Variants in TRPM3 observed in about 807,000 individuals in gnomAD.
TRPM3 encodes transient receptor potential cation channel subfamily M member 3, also known as long transient receptor potential channel 3.
TRPM3 carries 77 observed loss-of-function variants against 181.2 expected under a neutral mutation model. The observed-to-expected ratio is 0.42, with a 90% CI of 0.35 to 0.51. The LOEUF is 0.51. Ranked by LOEUF, TRPM3 falls within the 20% of genes least tolerant of loss-of-function variation. The pLI is 0.01. For synonymous variants in TRPM3, 745 were observed against 796.4 expected (o/e 0.94, Z 1.09); for missense variants, 1,759 against 2,196.7 (o/e 0.80, Z 3.98).
intron 1 of TRPM3, among the ~76,000 whole-genome samples, chr9:70,957,419 A>C (rs1462744387): frequency 2.6e-5 from 4 of 152,158 alleles, no homozygotes; most frequent in Non-Finnish European, 5.9e-5. Context: ...TCCGGGTACT[A>C]TCACTGCTGA....
At chr9:71,233,784 G>A (rs186018113) in intron 1 of TRPM3, among the ~76,000 whole-genome samples, 1 of 152,340 alleles carries the variant, frequency 6.6e-6, no homozygotes, top group East Asian at 1.9e-4. Context: ...ATTCAGTTAA[G>A]TCTTTAAAAT....
chr9:70,620,402 A>C (rs754831174), intron 15 of TRPM3, 37 bp from the exon 16 acceptor site: 1 of 1,572,236 alleles, frequency 6.4e-7, no homozygotes, highest in Non-Finnish European at 8.7e-7. Context: ...CTGAGTTAGA[A>C]ATGAATTGGT....
intron 1 of TRPM3, among the ~76,000 whole-genome samples, chr9:71,346,947 C>T (rs1289481883): frequency 6.6e-6 from 1 of 152,162 alleles, no homozygotes; most frequent in African/African-American, 2.4e-5. Flanking sequence ...AAATGTGGCA[C>T]AAACTATGAG....
At chr9:71,089,792 T>C (rs1450939044) in intron 1 of TRPM3, among the ~76,000 whole-genome samples, 1 of 152,048 alleles carries the variant, frequency 6.6e-6, no homozygotes, top group Non-Finnish European at 1.5e-5. Context: ...AGCATCCTAG[T>C]GTTTGCATCT....
intron 19 of TRPM3, among the ~76,000 whole-genome samples, chr9:70,603,878 G>A (rs572034555): frequency 6.6e-6 from 1 of 152,286 alleles, no homozygotes; most frequent in Admixed American, 6.5e-5. Flanking sequence ...ACGAATGCCA[G>A]GCAGAATAAG....
intron 1 of TRPM3, among the ~76,000 whole-genome samples, chr9:71,408,396 G>C (rs1340201846): frequency 6.6e-6 from 1 of 152,144 alleles, no homozygotes; most frequent in African/African-American, 2.4e-5. Context: ...AGAGAGCATA[G>C]AGAAGACCTT....
intron 1 of TRPM3, among the ~76,000 whole-genome samples, chr9:70,903,402 T>C (rs2096414244): frequency 1.3e-5 from 2 of 152,176 alleles, no homozygotes; most frequent in Non-Finnish European, 2.9e-5. Flanking sequence ...TTGGCGCCCC[T>C]ACATGAACAT....
At chr9:70,737,611 G>A (rs903948528) in intron 8 of TRPM3, among the ~76,000 whole-genome samples, 8 of 128,930 alleles carry the variant, frequency 6.2e-5, no homozygotes, top group Admixed American at 1.6e-4. Context: ...CCAAGTATTT[G>A]TTATCTTCAA....
intron 8 of TRPM3, among the ~76,000 whole-genome samples, chr9:70,687,153 C>T (rs1343821769): frequency 2.6e-5 from 4 of 152,108 alleles, no homozygotes; most frequent in Non-Finnish European, 4.4e-5. Flanking sequence ...AATTTCTTGT[C>T]TCATAATGTG....
intron 1 of TRPM3, among the ~76,000 whole-genome samples, chr9:71,339,371 A>G (rs2132593383): frequency 6.6e-6 from 1 of 152,258 alleles, no homozygotes; most frequent in East Asian, 1.9e-4. Flanking sequence ...AATAACTAGA[A>G]AACAGTCAAA....
At chr9:70,693,651 G>C (rs10123287) in intron 8 of TRPM3, among the ~76,000 whole-genome samples, 55,050 of 151,914 alleles carry the variant, frequency 0.36, 10,228 homozygotes, top group East Asian at 0.46. Flanking sequence ...TATAGACAGA[G>C]AAGTTTTCTT....
rs183744412 is a variant in TRPM3, at chr9:71,396,603, C to T, written c.183+50050G>A. Among the ~76,000 whole-genome samples, 426 of 151,280 alleles carry T rather than the reference C, an allele frequency of 2.8e-3. 1 individual carries two copies. The highest frequency in any genetic ancestry group is 4.0e-3 in the Non-Finnish European group (269 of 67,908). ...CACAGGAGTTTCCTCAGGAGAAAGA[C>T]GATTCTGAGAACCAAATCTAAAAAG... On this transcript the variant is annotated intron_variant, in intron 1 of 24. Coordinates refer to the TRPM3 transcript ENST00000357533.
At chr9:71,393,496 A>G (rs2093113987) in intron 1 of TRPM3, among the ~76,000 whole-genome samples, 4 of 152,162 alleles carry the variant, frequency 2.6e-5, no homozygotes, top group South Asian at 2.1e-4. Flanking sequence ...AGGATGGAAT[A>G]CCAAACAGAA....
intron 1 of TRPM3, among the ~76,000 whole-genome samples, chr9:71,232,154 G>A (rs927005773): frequency 1.3e-5 from 2 of 152,046 alleles, no homozygotes; most frequent in South Asian, 4.2e-4. Flanking sequence ...AAATGGGCAG[G>A]TTCTAAGAAA....
chr9:70,787,160 G>A (rs1209848834), intron 6 of TRPM3, among the ~76,000 whole-genome samples: 2 of 152,090 alleles, frequency 1.3e-5, no homozygotes. Flanking sequence ...ACTTCTAGAA[G>A]TACAGAAAGA....
chr9:71,340,183 T>C lies in TRPM3; in HGVS notation c.183+106470A>G, dbSNP rs1478414338. ...ATGAAATGCATTGCAGACAATGAGA[T>C]CCAGATTTAGCATTGCCAGAGAAAG... On this transcript the variant is annotated intron_variant, in intron 1 of 24. Coordinates refer to the TRPM3 transcript ENST00000357533. 3.3e-5 allele frequency among the ~76,000 whole-genome samples: 5 copies of C among 152,092 alleles called. No homozygotes were observed. The East Asian group carries it at 7.7e-4, about 23-fold the overall frequency.
rs1365431227 is a variant in TRPM3, at chr9:70,529,503, T to C, written c.*6450A>G. ...TGTTTTTACACAGCGGTAGCAGCAA[T>C]ATAAACTCAGGTCAGACGCAGTAGT... On this transcript the variant is annotated 3_prime_UTR_variant, in exon 26 of 26. Transcript: ENST00000677713. 2 of 152,174 alleles carry C rather than the reference T, an allele frequency of 1.3e-5. No homozygotes were observed. The allele number at this position is 152,174 out of a possible 1,614,324, so 9.4% of individuals were successfully genotyped here.
chr9:71,034,296 A>G (rs1458323858), intron 1 of TRPM3, among the ~76,000 whole-genome samples: 1 of 152,134 alleles, frequency 6.6e-6, no homozygotes, highest in Non-Finnish European at 1.5e-5. Flanking sequence ...ATTGGTGGGG[A>G]GTTCACATTT....
intron 9 of TRPM3, among the ~76,000 whole-genome samples, chr9:70,655,111 G>A (rs1489115509): frequency 6.7e-6 from 1 of 150,308 alleles, no homozygotes; most frequent in African/African-American, 2.4e-5. Context: ...TTCGAGACCA[G>A]CCTGACCAAC....
Sources: allele counts gnomAD v4.1 joint callset (sites outside exome capture counted in the v4.1 genomes callset), GRCh38; gene constraint gnomAD v4.1.1; transcripts MANE v1.5; gene names NCBI Gene and HGNC (gene_info 2026-07-23, HGNC 2026-07-21).